The following SMPX variants were observed in gnomAD, a reference collection of about 807,000 sequenced individuals.
SMPX encodes small muscle protein X-linked.
SMPX carries 2 observed loss-of-function variants against 6.3 expected under a neutral mutation model. The ratio of observed to expected loss-of-function variants is 0.32; its 90% CI spans 0.13 to 0.99. The LOEUF is 0.99. Among genes scored for constraint, SMPX ranks in the 50% least tolerant of loss-of-function variants. The probability of loss-of-function intolerance (pLI) is 0.49; values close to 1 mark genes in which losing one functional copy is unlikely to be tolerated. For synonymous variants in SMPX, 32 were observed against 24.7 expected (o/e 1.30, Z -0.88); for missense variants, 60 against 66.8 (o/e 0.90, Z 0.36).
rs1027435519 is a variant in SMPX at position 21,754,146 on chromosome X, A to C, written c.45+100T>G. 2.7e-5 allele frequency: 20 copies of C among 743,117 alleles called. No individual in the cohort carries two copies. The Admixed American group carries it at 3.3e-4, about 12-fold the overall frequency. 61.2% of individuals were successfully genotyped at this position (743,117 alleles called of 1,213,427 possible). On this transcript the variant is annotated intron_variant, in intron 2 of 4. Transcript: ENST00000379494. ...TTGTACCTTACAAATCTTATGAAGA[A>C]CTTAATTTTCTTCTTGAAGTTCACC...
intron 4 of SMPX, among the ~76,000 whole-genome samples, chrX:21,707,647 T>G (rs1311926616): frequency 1.8e-5 from 2 of 112,528 alleles, no homozygotes; most frequent in Non-Finnish European, 3.7e-5. Context: ...GCCAACAGAA[T>G]GAGGCAGAAA....
intron 4 of SMPX, among the ~76,000 whole-genome samples, chrX:21,713,647 C>T (rs1158374619): frequency 9.0e-6 from 1 of 111,449 alleles, no homozygotes; most frequent in Non-Finnish European, 1.9e-5. Context: ...ATGAGAAAGA[C>T]CCGCCCCCAT....
intron 4 of SMPX, among the ~76,000 whole-genome samples, chrX:21,715,566 G>A (rs1185410077): frequency 9.0e-6 from 1 of 110,919 alleles, no homozygotes; most frequent in African/African-American, 3.3e-5. Context: ...GAATCCCTGG[G>A]GATCCTGTTA....
intron 4 of SMPX, among the ~76,000 whole-genome samples, chrX:21,711,052 A>C (rs1484419968): frequency 9.0e-6 from 1 of 111,718 alleles, no homozygotes; most frequent in Non-Finnish European, 1.9e-5. Context: ...ACAGGAATGC[A>C]CTGATGGATA....
chrX:21,743,451 TCAAA>T (rs920112244), intron 3 of SMPX, among the ~76,000 whole-genome samples: 19 of 110,891 alleles, frequency 1.7e-4, no homozygotes, highest in South Asian at 3.9e-4. Flanking sequence ...AATCAATCAA[TCAAA>T]CAATCAGTTA....
chrX:21,718,168 G>C (rs2092787382), intron 4 of SMPX, among the ~76,000 whole-genome samples: 1 of 112,697 alleles, frequency 8.9e-6, no homozygotes, highest in South Asian at 3.7e-4. Flanking sequence ...AAAAGGCTTT[G>C]AGTAGTGAAG....
intron 2 of SMPX, among the ~76,000 whole-genome samples, chrX:21,751,258 T>C (rs2092827197): frequency 8.9e-6 from 1 of 112,355 alleles, no homozygotes; most frequent in Admixed American, 9.4e-5. Flanking sequence ...TTGTGGACTC[T>C]GAGAAAAATT....
chrX:21,746,029 T>C (rs942736750), intron 2 of SMPX, among the ~76,000 whole-genome samples: 1 of 111,812 alleles, frequency 8.9e-6, no homozygotes, highest in African/African-American at 3.2e-5. Flanking sequence ...AAGAGCCTAA[T>C]GCTAGCAGTT....
rs1362552349 is a variant in SMPX, at chrX:21,731,448, T to TACAC, written c.*14+6097_*14+6100dup. ...ACATATATGTGTGTATGTGTACACA[T>TACAC]ACACATAATGTGTGTATGTGTACAC... On this transcript the variant is annotated intron_variant, in intron 4 of 4. Transcript: ENST00000379494. Among the ~76,000 whole-genome samples the TACAC allele has an allele frequency of 2.2e-5, 2 of 89,014 alleles. 1 individual carries two copies. Among genetic ancestry groups the TACAC allele is most frequent in the Non-Finnish European group, 4.4e-5 (2 of 45,275 alleles). The allele number at this position is 89,014 out of a possible 115,157, so 77.3% of individuals were successfully genotyped here.
intron 2 of SMPX, among the ~76,000 whole-genome samples, chrX:21,744,160 C>G (rs1480376272): frequency 9.0e-6 from 1 of 111,720 alleles, no homozygotes; most frequent in African/African-American, 3.3e-5. Context: ...TTATTTTTCT[C>G]TCTCTGGGAT....
intron 4 of SMPX, among the ~76,000 whole-genome samples, chrX:21,723,595 A>G (rs2092793925): frequency 8.9e-6 from 1 of 112,040 alleles, no homozygotes; most frequent in Non-Finnish European, 1.9e-5. Flanking sequence ...TTCTAACTCA[A>G]GTTTCTTGGC....
intron 2 of SMPX, among the ~76,000 whole-genome samples, chrX:21,744,866 T>C (rs753002108): frequency 2.6e-4 from 29 of 112,149 alleles, no homozygotes; most frequent in African/African-American, 9.1e-4. Context: ...GATTGTATGA[T>C]TTTGGCACCA....
At chrX:21,743,872 A>G in intron 2 of SMPX, 36 bp from the exon 3 acceptor site, 1 of 1,042,324 alleles carries the variant, frequency 9.6e-7, no homozygotes. Context: ...AGCTCAAAAA[A>G]AGTAAGAAAT....
At chrX:21,746,081 G>A (rs1331358164) in intron 2 of SMPX, among the ~76,000 whole-genome samples, 1 of 111,161 alleles carries the variant, frequency 9.0e-6, no homozygotes, top group Non-Finnish European at 1.9e-5. Context: ...AATTGCTCTG[G>A]GTCTCATTGT....
At chrX:21,726,296 T>C (rs759644502) in intron 4 of SMPX, among the ~76,000 whole-genome samples, 5 of 112,181 alleles carry the variant, frequency 4.5e-5, no homozygotes, top group Non-Finnish European at 9.4e-5. Context: ...GCCCCACTTC[T>C]TCTCGCAGAA....
intron 4 of SMPX, among the ~76,000 whole-genome samples, chrX:21,707,167 A>T (rs2092773897): frequency 9.2e-6 from 1 of 109,267 alleles, no homozygotes; most frequent in Non-Finnish European, 1.9e-5. Context: ...ATGTTTTTAG[A>T]TGCCACATAT....
intron 4 of SMPX, among the ~76,000 whole-genome samples, chrX:21,730,175 G>A (rs1000470856): frequency 7.1e-5 from 8 of 112,024 alleles, no homozygotes; most frequent in African/African-American, 2.3e-4. Context: ...TCAAAAATGA[G>A]GACAAAAAAT....
rs1428622420 is a variant in SMPX, at chrX:21,743,826, T to C, written c.56A>G (p.Asn19Ser). ...TGGCCGAAAGGCTCCCATTGGAATA[T>C]TGATATTTGCCTAAAAGAGAAAACA... ...SNVRAIQANINIPMGAFRPGA... is the reference protein window; with the variant it reads ...SNVRAIQANISIPMGAFRPGA... Residue 19 changes from asparagine to serine, a missense_variant, in exon 3 of 5, where the codon AAT (asparagine) becomes AGT (serine). Asn to Ser is a conservative substitution (Grantham distance 46). Coordinates refer to ENST00000379494, the MANE Select transcript of SMPX (RefSeq NM_014332.3). 8.3e-7 allele frequency: 1 copy of C among 1,203,952 alleles called. No individual in the cohort carries two copies. Among genetic ancestry groups the C allele is most frequent in the Non-Finnish European group, 1.1e-6 (1 of 888,597 alleles).
intron 2 of SMPX, 25 bp downstream of exon 2, chrX:21,754,221 G>A (rs1420438906): frequency 5.9e-6 from 7 of 1,191,931 alleles, no homozygotes; most frequent in East Asian, 5.9e-5. Context: ...TAAGCAACCA[G>A]GCAAGAAGTT....
Sources: allele counts gnomAD v4.1 joint callset (sites outside exome capture counted in the v4.1 genomes callset), GRCh38; gene constraint gnomAD v4.1.1; transcripts MANE v1.5; gene names NCBI Gene and HGNC (gene_info 2026-07-23, HGNC 2026-07-21).